NLGN1: variants seen among roughly 807,000 people sequenced by gnomAD.
NLGN1 encodes the protein neuroligin-1.
Under a neutral mutation model 65.5 loss-of-function variants are expected in NLGN1, and 12 were observed. The ratio of observed to expected loss-of-function variants is 0.18; its 90% CI spans 0.12 to 0.30. The LOEUF (loss-of-function observed/expected upper bound fraction) is 0.30. NLGN1 is among the 10% of genes least tolerant of loss of function. The pLI is 1.00. For missense variants in NLGN1, 750 were observed against 1,007.1 expected (o/e 0.74, Z 3.46); for synonymous variants, 350 against 359.5 (o/e 0.97, Z 0.30).
At chr3:173,746,907 T>C (rs1775469513) in intron 3 of NLGN1, among the ~76,000 whole-genome samples, 1 of 151,630 alleles carries the variant, frequency 6.6e-6, no homozygotes, top group Non-Finnish European at 1.5e-5. Context: ...AAAAAATTAG[T>C]TGGGCATGGT....
chr3:173,405,532 AAACT>A (rs1421910110), intron 1 of NLGN1, among the ~76,000 whole-genome samples: 1 of 152,112 alleles, frequency 6.6e-6, no homozygotes, highest in Non-Finnish European at 1.5e-5. Flanking sequence ...TTTTTTAAAC[AAACT>A]AATACCATAG....
At position 173,571,932 on chromosome 3, in the gene NLGN1, A is replaced by T. The variant is rs191663647; in HGVS notation, c.-320-32347A>T. ...AAAAAATTAAGGTTGAAGGAAATAG[A>T]TAACTCTGTCTTTCTACAAATATTA... On this transcript the variant is annotated intron_variant, in intron 2 of 6. Transcript: ENST00000457714. Among the ~76,000 whole-genome samples the T allele has an allele frequency of 4.3e-3, 655 of 152,322 alleles. 6 individuals are homozygous for T. The highest frequency in any genetic ancestry group is 0.015 in the African/African-American group (613 of 41,570).
intron 2 of NLGN1, among the ~76,000 whole-genome samples, chr3:173,601,329 G>A (rs1750510794): frequency 6.6e-6 from 1 of 152,014 alleles, no homozygotes; most frequent in Non-Finnish European, 1.5e-5. Flanking sequence ...CTTACCACAG[G>A]TTATCCGTCT....
At chr3:173,791,121 G>A (rs1416603142) in intron 3 of NLGN1, among the ~76,000 whole-genome samples, 2 of 152,106 alleles carry the variant, frequency 1.3e-5, no homozygotes, top group African/African-American at 2.4e-5. Context: ...ACTGTGACTG[G>A]GTGTGGTAGC....
chr3:173,668,510 T>C (rs1454849720), intron 3 of NLGN1, among the ~76,000 whole-genome samples: 3 of 152,194 alleles, frequency 2.0e-5, no homozygotes, highest in Non-Finnish European at 4.4e-5. Context: ...TATCTGTGTA[T>C]GTCTTTGAGG....
the NLGN1 span, among the ~76,000 whole-genome samples, chr3:174,292,070 C>A: frequency 6.6e-6 from 1 of 151,218 alleles, no homozygotes; most frequent in Non-Finnish European, 1.5e-5. Flanking sequence ...ATCATCTCCA[C>A]CGTCTTTGAG....
At chr3:173,838,643 T>A (rs1337120799) in intron 4 of NLGN1, among the ~76,000 whole-genome samples, 2 of 151,906 alleles carry the variant, frequency 1.3e-5, no homozygotes, top group African/African-American at 4.8e-5. Context: ...AAAAAAAAAA[T>A]GTCGAATGAA....
chr3:173,672,077 G>C (rs1224824640), intron 3 of NLGN1, among the ~76,000 whole-genome samples: 1 of 152,190 alleles, frequency 6.6e-6, no homozygotes, highest in Non-Finnish European at 1.5e-5. Context: ...AGAAGGCTGA[G>C]GCAGGAGAAT....
chr3:174,272,600 T>C (rs1749609248), intron 4 of NLGN1, among the ~76,000 whole-genome samples: 1 of 151,440 alleles, frequency 6.6e-6, no homozygotes, highest in South Asian at 2.1e-4. Flanking sequence ...AAACCCAGCG[T>C]CGTCCTCTAA....
At chr3:174,063,095 G>C (rs1289799864) in intron 4 of NLGN1, among the ~76,000 whole-genome samples, 2 of 152,058 alleles carry the variant, frequency 1.3e-5, no homozygotes, top group Admixed American at 6.6e-5. Flanking sequence ...AATCTAACAT[G>C]ATAATGTTGG....
intron 4 of NLGN1, among the ~76,000 whole-genome samples, chr3:173,877,431 G>A (rs1732351119): frequency 6.6e-6 from 1 of 151,138 alleles, no homozygotes; most frequent in South Asian, 2.1e-4. Flanking sequence ...AGACAAAGGA[G>A]ACATCACAAC....
chr3:173,855,332 A>C (rs948914476), intron 4 of NLGN1, among the ~76,000 whole-genome samples: 1 of 152,114 alleles, frequency 6.6e-6, no homozygotes, highest in African/African-American at 2.4e-5. Context: ...ATGTTGTTAA[A>C]TATTCTTTAA....
chr3:174,014,896 AC>A (rs1726248221), intron 4 of NLGN1, among the ~76,000 whole-genome samples: 1 of 151,908 alleles, frequency 6.6e-6, no homozygotes, highest in Non-Finnish European at 1.5e-5. Flanking sequence ...GATAATCAGG[AC>A]TCTTGAAGGA....
At chr3:174,288,895 G>A (rs916241244), downstream of NLGN1, among the ~76,000 whole-genome samples, 5 of 151,410 alleles carry the variant, frequency 3.3e-5, no homozygotes, top group African/African-American at 1.2e-4. Context: ...AATTCTAAAT[G>A]CACTATTGTT....
chr3:173,500,328 G>A (rs1730851165), intron 2 of NLGN1, among the ~76,000 whole-genome samples: 1 of 152,018 alleles, frequency 6.6e-6, no homozygotes, highest in Admixed American at 6.6e-5. Flanking sequence ...TTTTGTCTTT[G>A]GTTCTGTTTA....
At position 174,238,639 on chromosome 3, in the gene NLGN1, C is replaced by T. The variant is rs148519536; in HGVS notation, c.647-36676C>T. ...CCTCCCAAAGTGCTGTGATTAAAGGCGTGAGACACCGCGCCCAGCCTATGA... is the reference window on the plus strand; with the variant it reads ...CCTCCCAAAGTGCTGTGATTAAAGGTGTGAGACACCGCGCCCAGCCTATGA... On this transcript the variant is annotated intron_variant, in intron 4 of 6. Coordinates refer to ENST00000457714, the Ensembl canonical transcript of NLGN1. Among the ~76,000 whole-genome samples the T allele has an allele frequency of 1.8e-3, 275 of 152,264 alleles. 2 individuals carry two copies. The highest frequency in any genetic ancestry group is 2.0e-3 in the Non-Finnish European group (134 of 68,022).
chr3:173,571,056 A>G (rs1486619999), intron 2 of NLGN1, among the ~76,000 whole-genome samples: 1 of 152,206 alleles, frequency 6.6e-6, no homozygotes, highest in Non-Finnish European at 1.5e-5. Flanking sequence ...GTTGAAAGCC[A>G]CAAGACTAAG....
At chr3:173,619,598 A>T (rs1753667199) in intron 3 of NLGN1, among the ~76,000 whole-genome samples, 1 of 152,174 alleles carries the variant, frequency 6.6e-6, no homozygotes. Flanking sequence ...CAATAAACTT[A>T]TGAAAAAGTT....
At chr3:173,734,835 G>T (rs771564791) in intron 3 of NLGN1, among the ~76,000 whole-genome samples, 2 of 151,934 alleles carry the variant, frequency 1.3e-5, no homozygotes, top group Non-Finnish European at 2.9e-5. Flanking sequence ...TATTGCAATT[G>T]CTTTTTTCTG....
Sources: gnomAD v4.1 joint callset for allele counts (sites outside exome capture counted in the v4.1 genomes callset) on GRCh38, gnomAD v4.1.1 for gene constraint, MANE v1.5 for transcripts, NCBI Gene and HGNC (gene_info 2026-07-23, HGNC 2026-07-21) for gene names.